MINAR2: variants seen among roughly 807,000 people sequenced by gnomAD.
MINAR2 encodes the protein membrane integral NOTCH2 associated receptor 2.
A neutral mutation model predicts 16.1 loss-of-function variants in MINAR2; 21 were observed. That is an observed-to-expected ratio of 1.31 (90% CI 0.93 to 1.88). The LOEUF (loss-of-function observed/expected upper bound fraction) is 1.88. MINAR2 is among the 40% of genes most tolerant of loss of function. The probability of loss-of-function intolerance (pLI) is 0.00; values close to 1 mark genes in which losing one functional copy is unlikely to be tolerated. For missense variants in MINAR2, 259 were observed against 229.8 expected (o/e 1.13, Z -0.82); for synonymous variants, 86 against 83.0 (o/e 1.04, Z -0.20).
At position 129,762,482 on chromosome 5, in the gene MINAR2, C is replaced by T. The variant is rs561739302; in HGVS notation, c.393+1877C>T. 4 of 262,980 alleles carry T rather than the reference C, an allele frequency of 1.5e-5. No homozygotes were observed. The Admixed American group carries it at 1.6e-4, about 11-fold the overall frequency. The allele number at this position is 262,980 out of a possible 1,614,324, so 16.3% of individuals were successfully genotyped here. A position where few individuals can be genotyped will look rare whatever the true frequency, so the allele number is the denominator to read the frequency against. On this transcript the variant is annotated intron_variant, in intron 2 of 2. Coordinates refer to ENST00000564719, the MANE Select transcript of MINAR2 (RefSeq NM_001257308.2). Reference sequence around the variant, plus strand: ...TAGTGTGATAGCACATAATTATCTCCTGTTAAATGTTGCCATAGGCTTACC... The same window carrying T: ...TAGTGTGATAGCACATAATTATCTCTTGTTAAATGTTGCCATAGGCTTACC...
At position 129,765,158 on chromosome 5, in the gene MINAR2, G is replaced by A; in HGVS notation, c.*95G>A. On this transcript the variant is annotated 3_prime_UTR_variant, in exon 3 of 3. Transcript: ENST00000564719. ...CCACCAAAATAACAAAAAAACACAT[G>A]TACATGCAGTGTGAATGGATTGTTG... The A allele has an allele frequency of 1.6e-6, 1 of 626,302 alleles. No homozygotes were observed. The highest frequency in any genetic ancestry group is 3.3e-5 in the East Asian group (1 of 30,060). 38.8% of individuals were successfully genotyped at this position (626,302 alleles called of 1,614,324 possible). A position where few individuals can be genotyped will look rare whatever the true frequency, so the allele number is the denominator to read the frequency against.
chr5:129,752,870 C>A (rs946033940), intron 1 of MINAR2, among the ~76,000 whole-genome samples: 1 of 151,152 alleles, frequency 6.6e-6, no homozygotes, highest in East Asian at 1.9e-4. Flanking sequence ...TTTGTTATAT[C>A]TTTTCCTGGC....
chr5:129,763,259 CTG>C (rs1377834317), intron 2 of MINAR2, among the ~76,000 whole-genome samples: 20 of 152,268 alleles, frequency 1.3e-4, no homozygotes, highest in African/African-American at 4.8e-4. Context: ...CACTAACTTC[CTG>C]AGAGAAGCTT....
At chr5:129,759,233 G>A (rs968456679) in intron 1 of MINAR2, among the ~76,000 whole-genome samples, 11 of 152,114 alleles carry the variant, frequency 7.2e-5, no homozygotes, top group African/African-American at 2.4e-4. Flanking sequence ...ATTCTCTGGG[G>A]TGTCTAAAAT....
chr5:129,761,205 T>C (rs544943702), intron 2 of MINAR2, among the ~76,000 whole-genome samples: 2 of 152,280 alleles, frequency 1.3e-5, no homozygotes, highest in African/African-American at 4.8e-5. Flanking sequence ...TCTTTCTTTG[T>C]TTGCCCCCAC....
chr5:129,750,616 C>A (rs138726008), intron 1 of MINAR2, among the ~76,000 whole-genome samples: 2 of 152,108 alleles, frequency 1.3e-5, no homozygotes, highest in Non-Finnish European at 2.9e-5. Context: ...GTAAAAGCAA[C>A]TGAGAGCCAG....
intron 1 of MINAR2, among the ~76,000 whole-genome samples, chr5:129,752,757 G>T (rs575216235): frequency 2.0e-5 from 3 of 149,538 alleles, no homozygotes; most frequent in Non-Finnish European, 3.0e-5. Flanking sequence ...AATTCAAATG[G>T]CAAGAAAGAA....
At chr5:129,755,433 CAA>C (rs1406300008) in intron 1 of MINAR2, among the ~76,000 whole-genome samples, 1 of 151,970 alleles carries the variant, frequency 6.6e-6, no homozygotes, top group Non-Finnish European at 1.5e-5. Context: ...AAGTTGACTG[CAA>C]AACCCTCTGA....
chr5:129,757,071 T>A (rs183102044), intron 1 of MINAR2, among the ~76,000 whole-genome samples: 64 of 150,378 alleles, frequency 4.3e-4, no homozygotes, highest in Non-Finnish European at 6.9e-4. Context: ...ACCTAATATA[T>A]ATATATATAT....
chr5:129,760,318 T>G, intron 1 of MINAR2, 60 bp from the exon 2 acceptor site: 1 of 1,244,022 alleles, frequency 8.0e-7, no homozygotes, highest in Non-Finnish European at 1.1e-6. Flanking sequence ...TATCTCACAT[T>G]GCATTCCCTA....
chr5:129,753,604 T>G (rs1020593572), intron 1 of MINAR2, among the ~76,000 whole-genome samples: 7 of 149,594 alleles, frequency 4.7e-5, no homozygotes, highest in African/African-American at 1.5e-4. Context: ...ATACAAAAAA[T>G]TAGCTGGACT....
chr5:129,755,902 T>C (rs555444336), intron 1 of MINAR2, among the ~76,000 whole-genome samples: 3 of 152,226 alleles, frequency 2.0e-5, no homozygotes, highest in Admixed American at 1.3e-4. Context: ...AATTCAATGC[T>C]TAATACCTTA....
In MINAR2 at chr5:129,766,564, G is replaced by A. The variant is rs1758216653; in HGVS notation, c.*1501G>A. On this transcript the variant is annotated 3_prime_UTR_variant, in exon 3 of 3. Coordinates refer to ENST00000564719, the MANE Select transcript of MINAR2 (RefSeq NM_001257308.2). ...AGGCAGGAGAATCTCTCGAACCCTG[G>A]AGGCAGAGGTTGCAGTGAGCCGAGA... The A allele has an allele frequency of 6.7e-6, 1 of 149,518 alleles. No individual in the cohort carries two copies. The highest frequency in any genetic ancestry group is 1.5e-5 in the Non-Finnish European group (1 of 67,774). 9.3% of individuals were successfully genotyped at this position (149,518 alleles called of 1,614,324 possible). A position where few individuals can be genotyped will look rare whatever the true frequency, so the allele number is the denominator to read the frequency against.
chr5:129,748,945 T>G (rs902492876), intron 1 of MINAR2, among the ~76,000 whole-genome samples: 1 of 152,178 alleles, frequency 6.6e-6, no homozygotes, highest in Admixed American at 6.6e-5. Flanking sequence ...CAGGTGTCCA[T>G]GTGGACAAGG....
chr5:129,750,941 C>A (rs1348367075), intron 1 of MINAR2, among the ~76,000 whole-genome samples: 2 of 152,128 alleles, frequency 1.3e-5, no homozygotes, highest in African/African-American at 4.8e-5. Flanking sequence ...ATCCTTTCAT[C>A]CCACACCACA....
Position 129,765,467 on chromosome 5 carries a change from C to G in MINAR2, c.*404C>G, listed in dbSNP as rs2149547557. The G allele has an allele frequency of 6.5e-6, 1 of 154,980 alleles. No homozygotes were observed. The highest frequency in any genetic ancestry group is 2.4e-5 in the African/African-American group (1 of 41,696). The allele number at this position is 154,980 out of a possible 1,614,324, so 9.6% of individuals were successfully genotyped here. ...GTTAACTCTTTACCACCTCATCCTC[C>G]TGTGATCACCAGAAAAGTTTGAGCT... On this transcript the variant is annotated 3_prime_UTR_variant, in exon 3 of 3. Coordinates refer to ENST00000564719, the MANE Select transcript of MINAR2 (RefSeq NM_001257308.2).
intron 1 of MINAR2, among the ~76,000 whole-genome samples, chr5:129,758,479 A>T (rs1172296509): frequency 6.6e-6 from 1 of 152,182 alleles, no homozygotes; most frequent in East Asian, 1.9e-4. Flanking sequence ...CAAAAATATC[A>T]TCTAGAAATA....
In MINAR2 at chr5:129,748,214, TAAC is replaced by T; in HGVS notation, c.28_30del (p.Asn10del). 6.5e-7 allele frequency: 1 copy of T among 1,535,108 alleles called. No homozygotes were observed. The highest frequency in any genetic ancestry group is 1.4e-5 in the African/African-American group (1 of 73,134). On this transcript the variant is annotated inframe_deletion, in exon 1 of 3. Coordinates refer to ENST00000564719, the MANE Select transcript of MINAR2 (RefSeq NM_001257308.2). ...ACATGGATCTCTCTGTTTTGCCAAA[TAAC>T]AACCATCCTGACAAATTCCTGCAGC...
At chr5:129,760,316 A>G (rs1758115567) in intron 1 of MINAR2, 62 bp from the exon 2 acceptor site, 7 of 1,230,530 alleles carry the variant, frequency 5.7e-6, no homozygotes, top group Middle Eastern at 2.5e-4. Context: ...GTTATCTCAC[A>G]TTGCATTCCC....
Sources: allele counts gnomAD v4.1 joint callset (sites outside exome capture counted in the v4.1 genomes callset), GRCh38; gene constraint gnomAD v4.1.1; transcripts MANE v1.5; gene names NCBI Gene and HGNC (gene_info 2026-07-23, HGNC 2026-07-21).